Variants in HMGCS1 observed in about 807,000 individuals in gnomAD.
HMGCS1 encodes hydroxymethylglutaryl-CoA synthase, cytoplasmic.
A neutral mutation model predicts 52.3 loss-of-function variants in HMGCS1; 9 were observed. The observed-to-expected ratio is 0.17, with a 90% CI of 0.10 to 0.30. The LOEUF is 0.30. HMGCS1 is among the 10% of genes least tolerant of loss of function. The pLI, the probability that HMGCS1 is intolerant of heterozygous loss-of-function variation, is 1.00. For missense variants in HMGCS1, 320 were observed against 620.9 expected (o/e 0.52, Z 5.15); for synonymous variants, 176 against 214.4 (o/e 0.82, Z 1.57).
At chr5:43,295,646 A>C in intron 6 of HMGCS1, 106 bp downstream of exon 6, 1 of 809,256 alleles carries the variant, frequency 1.2e-6, no homozygotes, top group Non-Finnish European at 2.0e-6. Context: ...GATGACTTCT[A>C]AGATTCTTCT....
At chr5:43,299,044 G>C in intron 2 of HMGCS1, 69 bp from the exon 3 acceptor site, 1 of 1,123,944 alleles carries the variant, frequency 8.9e-7, no homozygotes, top group Non-Finnish European at 1.3e-6. Flanking sequence ...CTTTGAAATT[G>C]AGAAATAGAT....
rs3086309 is a variant in HMGCS1 at position 43,299,673 on chromosome 5, A to AAATCAATC, written c.-10-706_-10-699dup. 4.0e-3 allele frequency among the ~76,000 whole-genome samples: 597 copies of AAATCAATC among 149,012 alleles called. 8 individuals carry two copies. The highest frequency in any genetic ancestry group is 0.014 in the African/African-American group (569 of 40,332). On this transcript the variant is annotated intron_variant, in intron 2 of 10. Coordinates refer to ENST00000325110, the MANE Select transcript of HMGCS1 (RefSeq NM_001098272.3). The stretch of plus-strand genomic sequence containing the variant: ...TCAAAAAAAAAAAAAGAAAAAGTAA[A>AAATCAATC]AATCAATCAATCAATCAATCAATCA...
intron 1 of HMGCS1, among the ~76,000 whole-genome samples, chr5:43,312,675 C>T (rs1462862001): frequency 6.6e-6 from 1 of 151,980 alleles, no homozygotes; most frequent in African/African-American, 2.4e-5. Context: ...ACCAAGGAAG[C>T]CTATTTTTTA....
At chr5:43,311,297 G>A (rs114797215) in intron 1 of HMGCS1, among the ~76,000 whole-genome samples, 4,281 of 148,240 alleles carry the variant, frequency 0.029, 153 homozygotes, top group African/African-American at 0.089. Flanking sequence ...TCCAGCTTGG[G>A]CGACAGAGCG....
At chr5:43,291,688 C>T (rs959669432) in intron 10 of HMGCS1, among the ~76,000 whole-genome samples, 1 of 152,114 alleles carries the variant, frequency 6.6e-6, no homozygotes, top group Non-Finnish European at 1.5e-5. Flanking sequence ...CTTGGAGGCT[C>T]ATCTCTAAAG....
chr5:43,311,816 CT>C (rs1427306777), intron 1 of HMGCS1, among the ~76,000 whole-genome samples: 4 of 152,112 alleles, frequency 2.6e-5, no homozygotes, highest in Non-Finnish European at 5.9e-5. Context: ...ATAAAATATC[CT>C]TTTACACTCC....
chr5:43,294,662 GT>G (rs1554019128), intron 7 of HMGCS1, 28 bp downstream of exon 7: 4 of 1,516,470 alleles, frequency 2.6e-6, no homozygotes, highest in Non-Finnish European at 3.6e-6. Context: ...AATAAGGGGA[GT>G]TAAGTAGTAG....
chr5:43,290,828 C>T lies in HMGCS1; in HGVS notation c.*303G>A. 1 of 262,996 alleles carries T rather than the reference C, an allele frequency of 3.8e-6. No individual in the cohort carries two copies. Among genetic ancestry groups the T allele is most frequent in the Non-Finnish European group, 7.3e-6 (1 of 137,820 alleles). The allele number at this position is 262,996 out of a possible 1,614,324, so 16.3% of individuals were successfully genotyped here. A position where few individuals can be genotyped will look rare whatever the true frequency, so the allele number is the denominator to read the frequency against. On this transcript the variant is annotated 3_prime_UTR_variant, in exon 11 of 11. Coordinates refer to ENST00000325110, the MANE Select transcript of HMGCS1 (RefSeq NM_001098272.3). ...GACAGAAGTACACAATTCATTATACCATGTTTAAAAACCAAACATCATGCA... is the reference window on the plus strand; with the variant it reads ...GACAGAAGTACACAATTCATTATACTATGTTTAAAAACCAAACATCATGCA...
chr5:43,309,005 C>G, intron 1 of HMGCS1, among the ~76,000 whole-genome samples: 1 of 151,864 alleles, frequency 6.6e-6, no homozygotes, highest in Non-Finnish European at 1.5e-5. Flanking sequence ...AGAAAATAAC[C>G]TATCTTTGTT....
intron 1 of HMGCS1, among the ~76,000 whole-genome samples, chr5:43,312,577 G>C (rs553283921): frequency 6.6e-6 from 1 of 152,276 alleles, no homozygotes; most frequent in South Asian, 2.1e-4. Flanking sequence ...ATTTGTGGGA[G>C]GACTCTGTGA....
chr5:43,311,548 CT>C (rs947818118), intron 1 of HMGCS1, among the ~76,000 whole-genome samples: 2 of 152,192 alleles, frequency 1.3e-5, no homozygotes, highest in Non-Finnish European at 2.9e-5. Flanking sequence ...CCAGCTACAT[CT>C]CATATCCAAT....
At chr5:43,311,201 C>A (rs1289674261) in intron 1 of HMGCS1, among the ~76,000 whole-genome samples, 1 of 152,006 alleles carries the variant, frequency 6.6e-6, no homozygotes, top group African/African-American at 2.4e-5. Context: ...GTGGCACATG[C>A]CGGTAGTCCC....
chr5:43,301,606 T>G (rs886614917), intron 2 of HMGCS1, among the ~76,000 whole-genome samples: 1 of 152,244 alleles, frequency 6.6e-6, no homozygotes, highest in African/African-American at 2.4e-5. Flanking sequence ...ATACAAAGTG[T>G]ATTTTTACTG....
At chr5:43,296,657 T>C (rs1754044803) in intron 5 of HMGCS1, among the ~76,000 whole-genome samples, 1 of 152,212 alleles carries the variant, frequency 6.6e-6, no homozygotes, top group Admixed American at 6.5e-5. Flanking sequence ...TCATTTTCAT[T>C]AGCTTTCCCT....
chr5:43,305,992 C>T (rs924449055), intron 2 of HMGCS1, among the ~76,000 whole-genome samples: 1 of 151,740 alleles, frequency 6.6e-6, no homozygotes, highest in African/African-American at 2.4e-5. Context: ...TAATAAAATA[C>T]ACACATTTTC....
chr5:43,311,966 A>C (rs1179809579), intron 1 of HMGCS1, among the ~76,000 whole-genome samples: 3 of 152,244 alleles, frequency 2.0e-5, no homozygotes, highest in African/African-American at 7.2e-5. Context: ...GTAGACACAA[A>C]GAAAGCCTTT....
At chr5:43,294,582 T>C in intron 7 of HMGCS1, 109 bp downstream of exon 7, 2 of 729,752 alleles carry the variant, frequency 2.7e-6, no homozygotes, top group Non-Finnish European at 2.2e-6. Flanking sequence ...AGCCTCAAGA[T>C]AAAATTTTCT....
intron 1 of HMGCS1, among the ~76,000 whole-genome samples, chr5:43,310,047 C>T (rs191010369): frequency 8.5e-5 from 13 of 152,304 alleles, no homozygotes; most frequent in Admixed American, 8.5e-4. Flanking sequence ...TAAACAGTTA[C>T]CTATTGATCT....
chr5:43,312,070 G>A (rs1189912637), intron 1 of HMGCS1, among the ~76,000 whole-genome samples: 3 of 152,152 alleles, frequency 2.0e-5, no homozygotes, highest in East Asian at 3.8e-4. Flanking sequence ...AAGCTGCTTA[G>A]GTGTCTCAAG....
Sources: allele counts gnomAD v4.1 joint callset (sites outside exome capture counted in the v4.1 genomes callset), GRCh38; gene constraint gnomAD v4.1.1; transcripts MANE v1.5; gene names NCBI Gene and HGNC (gene_info 2026-07-23, HGNC 2026-07-21).